The following SHC4 variants were observed in gnomAD, a reference collection of about 807,000 sequenced individuals.
The protein encoded by SHC4 is SHC adaptor protein 4, also known as SHC-transforming protein 4.
In SHC4, 41 loss-of-function variants were observed where a neutral mutation model predicts 69.4. The ratio of observed to expected loss-of-function variants is 0.59; its 90% CI spans 0.46 to 0.77. The LOEUF is 0.77. SHC4 is among the 30% of genes least tolerant of loss of function. The pLI is 0.00. For synonymous variants in SHC4, 318 were observed against 299.3 expected (o/e 1.06, Z -0.64); for missense variants, 777 against 783.8 (o/e 0.99, Z 0.10).
At chr15:48,857,517 G>C (rs779567300) in intron 7 of SHC4, among the ~76,000 whole-genome samples, 175 bp downstream of exon 7, 6 of 151,676 alleles carry the variant, frequency 4.0e-5, no homozygotes, top group Non-Finnish European at 8.8e-5. Context: ...ATGAATGGAA[G>C]GAAAATATTA....
chr15:48,896,214 T>TTC (rs1292069828), intron 2 of SHC4, among the ~76,000 whole-genome samples: 2 of 147,128 alleles, frequency 1.4e-5, no homozygotes, highest in Admixed American at 6.7e-5. Flanking sequence ...CTTCCTTTCT[T>TTC]TCTCTCTCTC....
chr15:48,954,654 A>G (rs904778432), intron 1 of SHC4, among the ~76,000 whole-genome samples: 1 of 152,238 alleles, frequency 6.6e-6, no homozygotes, highest in Admixed American at 6.5e-5. Context: ...TGAGCAGCAC[A>G]AGGCAAGACT....
chr15:48,946,468 C>G, intron 1 of SHC4: 7 of 565,058 alleles, frequency 1.2e-5, no homozygotes, highest in Non-Finnish European at 1.6e-5. Flanking sequence ...TCTTCCTTCT[C>G]CCTCCTCTCT....
intron 6 of SHC4, among the ~76,000 whole-genome samples, chr15:48,864,360 G>A (rs1464305537): frequency 1.3e-5 from 2 of 148,870 alleles, no homozygotes; most frequent in Non-Finnish European, 3.0e-5. Flanking sequence ...TGCTGCCCAC[G>A]ACTAATGAGA....
At position 48,845,591 on chromosome 15, in the gene SHC4, C is replaced by A. The variant is rs146945173; in HGVS notation, c.1304-2003G>T. Among the ~76,000 whole-genome samples, 952 of 152,190 alleles carry A rather than the reference C, an allele frequency of 6.3e-3. 7 individuals carry two copies. Among genetic ancestry groups the A allele is most frequent in the African/African-American group, 0.022 (900 of 41,506 alleles). On this transcript the variant is annotated intron_variant, in intron 9 of 11. Coordinates refer to ENST00000332408, the MANE Select transcript of SHC4 (RefSeq NM_203349.4). ...AAGAAATGAAGGATTAAGGATAATT[C>A]TTTTAGTACAAGCTCCTCCTTAGCT...
intron 8 of SHC4, among the ~76,000 whole-genome samples, chr15:48,853,428 T>G (rs188306199): frequency 7.2e-4 from 110 of 152,244 alleles, no homozygotes; most frequent in Middle Eastern, 3.4e-3. Flanking sequence ...ACAGATCCAG[T>G]GCTATTCCAA....
chr15:48,825,771 C>T lies in SHC4; in HGVS notation c.*200G>A, dbSNP rs939683216. Reference sequence around the variant, plus strand: ...TTCTTTTAAAATGACCAACCCTCTTCCTCTTTTCTGATTTTCATTTCTGAA... The same window carrying T: ...TTCTTTTAAAATGACCAACCCTCTTTCTCTTTTCTGATTTTCATTTCTGAA... On this transcript the variant is annotated 3_prime_UTR_variant, in exon 12 of 12. Transcript: ENST00000332408. The T allele has an allele frequency of 3.4e-6, 2 of 585,052 alleles. No homozygotes were observed. Among genetic ancestry groups the T allele is most frequent in the African/African-American group, 3.8e-5 (2 of 52,924 alleles). The allele number at this position is 585,052 out of a possible 1,614,324, so 36.2% of individuals were successfully genotyped here.
intron 11 of SHC4, among the ~76,000 whole-genome samples, chr15:48,834,076 C>G (rs1898857019): frequency 6.6e-6 from 1 of 152,156 alleles, no homozygotes; most frequent in South Asian, 2.1e-4. Context: ...CAATGCCTCC[C>G]CACTGCCTGG....
chr15:48,912,922 A>G (rs999356876), intron 2 of SHC4, among the ~76,000 whole-genome samples: 2 of 146,448 alleles, frequency 1.4e-5, no homozygotes, highest in Admixed American at 1.4e-4. Flanking sequence ...TCGTCTGCAC[A>G]GAGTCCTGCG....
intron 2 of SHC4, 105 bp downstream of exon 2, chr15:48,924,774 A>G: frequency 8.2e-7 from 1 of 1,215,282 alleles, no homozygotes; most frequent in Non-Finnish European, 1.2e-6. Context: ...TCGCGTGAAT[A>G]AAAGTGCATA....
intron 1 of SHC4, chr15:48,946,533 A>C (rs1044658926): frequency 4.9e-5 from 47 of 959,644 alleles, no homozygotes; most frequent in Non-Finnish European, 6.2e-6. Flanking sequence ...CTTAAGTGAC[A>C]GCCTAGTTGT....
At chr15:48,872,411 G>C (rs1339388961) in intron 4 of SHC4, among the ~76,000 whole-genome samples, 1 of 152,172 alleles carries the variant, frequency 6.6e-6, no homozygotes, top group Non-Finnish European at 1.5e-5. Context: ...GGATACAGCA[G>C]AGCCAATCAA....
intron 2 of SHC4, among the ~76,000 whole-genome samples, chr15:48,917,181 C>T (rs1900639547): frequency 6.7e-6 from 1 of 148,334 alleles, no homozygotes; most frequent in African/African-American, 2.5e-5. Context: ...TTCTTCTTTA[C>T]TTGATGTGGA....
intron 1 of SHC4, among the ~76,000 whole-genome samples, chr15:48,949,259 T>C (rs960718151): frequency 4.0e-5 from 6 of 151,114 alleles, no homozygotes; most frequent in African/African-American, 1.5e-4. Flanking sequence ...TAGTCCCAGC[T>C]ACTTGGGAGG....
chr15:48,878,903 A>G (rs1899885003), intron 4 of SHC4: 2 of 544,654 alleles, frequency 3.7e-6, no homozygotes, highest in Non-Finnish European at 3.3e-6. Flanking sequence ...CACAGTTGTG[A>G]AAAAGGAAGA....
chr15:48,960,315 CAGAGGCT>C (rs1305505891), intron 1 of SHC4, among the ~76,000 whole-genome samples: 9 of 152,228 alleles, frequency 5.9e-5, no homozygotes, highest in Admixed American at 2.0e-4. Flanking sequence ...AAAGCTGAGG[CAGAGGCT>C]AGAGGATGTG....
At chr15:48,852,729 C>A (rs940091686) in intron 8 of SHC4, among the ~76,000 whole-genome samples, 1 of 151,958 alleles carries the variant, frequency 6.6e-6, no homozygotes, top group Non-Finnish European at 1.5e-5. Flanking sequence ...TGGGGAAACC[C>A]TGTCTCTACT....
chr15:48,957,157 T>C (rs1277882351), intron 1 of SHC4, among the ~76,000 whole-genome samples: 1 of 151,962 alleles, frequency 6.6e-6, no homozygotes, highest in Non-Finnish European at 1.5e-5. Context: ...TGTGTATTTC[T>C]AGTAGAGATG....
intron 3 of SHC4, among the ~76,000 whole-genome samples, chr15:48,889,680 TA>T (rs1161501667): frequency 6.6e-6 from 1 of 152,024 alleles, no homozygotes; most frequent in African/African-American, 2.4e-5. Context: ...CCGTCTCTAC[TA>T]AAAATACAAA....
Sources: gnomAD v4.1 joint callset for allele counts (sites outside exome capture counted in the v4.1 genomes callset) on GRCh38, gnomAD v4.1.1 for gene constraint, MANE v1.5 for transcripts, NCBI Gene and HGNC (gene_info 2026-07-23, HGNC 2026-07-21) for gene names.